The following SNTG1 variants were observed in gnomAD, a reference collection of about 807,000 sequenced individuals.
SNTG1 encodes the protein syntrophin gamma 1.
In SNTG1, 39 loss-of-function variants were observed where a neutral mutation model predicts 74.7. That is an observed-to-expected ratio of 0.52 (90% CI 0.40 to 0.68). The LOEUF (loss-of-function observed/expected upper bound fraction) is 0.68, where lower values mean the gene tolerates loss of function less well. SNTG1 is among the 30% of genes least tolerant of loss of function. SNTG1 has a pLI of 0.00. For synonymous variants in SNTG1, 254 were observed against 217.1 expected (o/e 1.17, Z -1.49); for missense variants, 685 against 609.5 (o/e 1.12, Z -1.30).
At chr8:50,764,809 T>C (rs1314929981) in intron 18 of SNTG1, among the ~76,000 whole-genome samples, 1 of 151,964 alleles carries the variant, frequency 6.6e-6, no homozygotes, top group Non-Finnish European at 1.5e-5. Context: ...ATAAGTATAT[T>C]GAAGAGACAT....
In SNTG1 at chr8:50,794,939, A is replaced by G. The variant is rs971383263; in HGVS notation, c.*2110A>G. The stretch of plus-strand genomic sequence containing the variant: ...CATTAGCTATCTTTTTAGTGTTATT[A>G]TGAAAATTTAGCCTATGCTCATGTG... On this transcript the variant is annotated 3_prime_UTR_variant, in exon 19 of 19. Coordinates refer to ENST00000642720, the MANE Select transcript of SNTG1 (RefSeq NM_018967.5). 7.2e-5 allele frequency: 11 copies of G among 152,064 alleles called. No homozygotes were observed. The highest frequency in any genetic ancestry group is 3.3e-4 in the Admixed American group (5 of 15,222). The allele number at this position is 152,064 out of a possible 1,614,324, so 9.4% of individuals were successfully genotyped here. A position where few individuals can be genotyped will look rare whatever the true frequency, so the allele number is the denominator to read the frequency against.
intron 12 of SNTG1, among the ~76,000 whole-genome samples, chr8:50,584,428 C>A (rs533322434): frequency 1.3e-5 from 2 of 151,998 alleles, no homozygotes; most frequent in East Asian, 3.9e-4. Flanking sequence ...CCAGCACCTA[C>A]TGTTTCCTGA....
intron 1 of SNTG1, among the ~76,000 whole-genome samples, chr8:50,023,146 G>A (rs1816969739): frequency 2.0e-5 from 3 of 152,146 alleles, no homozygotes; most frequent in Non-Finnish European, 2.9e-5. Flanking sequence ...GAAGAACAGA[G>A]TTTGTTTGAT....
chr8:50,487,557 A>C lies in SNTG1; in HGVS notation c.364-15221A>C, dbSNP rs530294525. On this transcript the variant is annotated intron_variant, in intron 8 of 18. Coordinates refer to ENST00000642720, the MANE Select transcript of SNTG1 (RefSeq NM_018967.5). The stretch of plus-strand genomic sequence containing the variant: ...TTGGAGGGACATGGATGAAATTGGA[A>C]ATCATCATTCTCAGTAAACTATCGC... Among the ~76,000 whole-genome samples the C allele has an allele frequency of 2.0e-5, 3 of 152,308 alleles. No homozygotes were observed. In the South Asian group the frequency reaches 6.2e-4, roughly 32 times the overall value.
At chr8:50,243,641 G>A (rs1188345940) in intron 2 of SNTG1, among the ~76,000 whole-genome samples, 2 of 151,530 alleles carry the variant, frequency 1.3e-5, no homozygotes, top group Admixed American at 6.6e-5. Context: ...AAGAGCAAAT[G>A]TGATGCATTT....
intron 17 of SNTG1, among the ~76,000 whole-genome samples, chr8:50,731,918 T>C (rs953571841): frequency 1.3e-5 from 2 of 152,128 alleles, no homozygotes; most frequent in Non-Finnish European, 2.9e-5. Flanking sequence ...CTTTGAGTTT[T>C]ACAAGTTTAC....
intron 2 of SNTG1, among the ~76,000 whole-genome samples, chr8:50,354,114 G>A (rs906809243): frequency 6.6e-6 from 1 of 152,154 alleles, no homozygotes; most frequent in Non-Finnish European, 1.5e-5. Flanking sequence ...TCCATATCCA[G>A]AAAGCTCAGC....
chr8:50,242,328 AG>A, intron 2 of SNTG1, among the ~76,000 whole-genome samples: 1 of 152,014 alleles, frequency 6.6e-6, no homozygotes, highest in East Asian at 1.9e-4. Flanking sequence ...CAGGAGTTCA[AG>A]ATCAGCCTGG....
At chr8:50,200,791 T>A (rs2083958016) in intron 2 of SNTG1, among the ~76,000 whole-genome samples, 1 of 152,116 alleles carries the variant, frequency 6.6e-6, no homozygotes, top group Non-Finnish European at 1.5e-5. Flanking sequence ...TATTTATACA[T>A]GTGTCAGTGA....
chr8:50,248,485 T>C (rs1223060303), intron 2 of SNTG1, among the ~76,000 whole-genome samples: 1 of 152,218 alleles, frequency 6.6e-6, no homozygotes, highest in Non-Finnish European at 1.5e-5. Flanking sequence ...GACATCTTCA[T>C]AAATCTCTCT....
intron 1 of SNTG1, among the ~76,000 whole-genome samples, chr8:50,148,981 T>G (rs907416787): frequency 2.0e-5 from 3 of 152,172 alleles, no homozygotes; most frequent in Non-Finnish European, 2.9e-5. Context: ...CACACCAACT[T>G]CCACAATGGT....
intron 1 of SNTG1, among the ~76,000 whole-genome samples, chr8:49,962,381 G>C (rs944272783): frequency 1.3e-5 from 2 of 151,540 alleles, no homozygotes; most frequent in African/African-American, 4.9e-5. Context: ...GTGTTATTTT[G>C]AGTAACACAC....
chr8:50,506,845 T>G (rs2094011146), intron 9 of SNTG1, among the ~76,000 whole-genome samples: 1 of 152,122 alleles, frequency 6.6e-6, no homozygotes. Flanking sequence ...TTTGGTTGTA[T>G]GTTGAATAGA....
chr8:50,103,772 A>C lies in SNTG1; in HGVS notation c.-102-68789A>C, dbSNP rs546502615. On this transcript the variant is annotated intron_variant, in intron 1 of 18. Coordinates refer to ENST00000642720, the MANE Select transcript of SNTG1 (RefSeq NM_018967.5). ...TTTATTGAGAGTTTTTAGCATGAAG[A>C]GTTGTTGAATTTTGTCAAAGGCTTT... 3.1e-3 allele frequency among the ~76,000 whole-genome samples: 476 copies of C among 151,988 alleles called. 5 individuals carry two copies. The South Asian group carries it at 0.032, about 10-fold the overall frequency.
intron 13 of SNTG1, among the ~76,000 whole-genome samples, chr8:50,591,689 G>T (rs1402174416): frequency 1.3e-5 from 2 of 152,168 alleles, no homozygotes; most frequent in Non-Finnish European, 2.9e-5. Context: ...TGTAGAAATT[G>T]TATCATTAAT....
At chr8:50,739,318 A>G (rs2095537203) in intron 17 of SNTG1, among the ~76,000 whole-genome samples, 2 of 152,230 alleles carry the variant, frequency 1.3e-5, no homozygotes, top group South Asian at 2.1e-4. Flanking sequence ...AAAAAAGCTC[A>G]TCATCACTGG....
rs28873739 is a variant in SNTG1 at position 50,151,938 on chromosome 8, G to A, written c.-102-20623G>A. Among the ~76,000 whole-genome samples, 1,223 of 152,260 alleles carry A rather than the reference G, an allele frequency of 8.0e-3. 16 individuals are homozygous for A. Among genetic ancestry groups the A allele is most frequent in the African/African-American group, 0.028 (1,171 of 41,542 alleles). On this transcript the variant is annotated intron_variant, in intron 1 of 18. Transcript: ENST00000642720. ...ATATCTATTAGGTCAGCTTGGTGCC[G>A]AGCTGAGTTCAATTCCTGGATATCC...
chr8:50,335,574 A>G (rs1563913206), intron 2 of SNTG1, among the ~76,000 whole-genome samples: 1 of 152,156 alleles, frequency 6.6e-6, no homozygotes, highest in Non-Finnish European at 1.5e-5. Context: ...TCTCAAAACC[A>G]GTATGGTTGA....
chr8:50,474,825 G>C (rs914941626), intron 8 of SNTG1, among the ~76,000 whole-genome samples: 2 of 151,942 alleles, frequency 1.3e-5, no homozygotes, highest in African/African-American at 4.8e-5. Flanking sequence ...TTGGAACCAA[G>C]CCAAATGTCC....
Sources: allele counts gnomAD v4.1 joint callset (sites outside exome capture counted in the v4.1 genomes callset), GRCh38; gene constraint gnomAD v4.1.1; transcripts MANE v1.5; gene names NCBI Gene and HGNC (gene_info 2026-07-23, HGNC 2026-07-21).